TSPEAR: variants seen among roughly 807,000 people sequenced by gnomAD.
TSPEAR encodes the protein thrombospondin-type laminin G domain and EAR repeat-containing protein.
Under a neutral mutation model 71.6 loss-of-function variants are expected in TSPEAR, and 69 were observed. That is an observed-to-expected ratio of 0.96 (90% CI 0.79 to 1.18). TSPEAR has a LOEUF of 1.18. Among genes scored for constraint, TSPEAR ranks in the 50% most tolerant of loss-of-function variants. TSPEAR has a pLI of 0.00. For missense variants in TSPEAR, 971 were observed against 894.9 expected, an observed-to-expected ratio of 1.09 and a Z score of -1.09; for synonymous variants, 402 against 387.2, an observed-to-expected ratio of 1.04 and a Z score of -0.45.
intron 1 of TSPEAR, among the ~76,000 whole-genome samples, chr21:44,688,198 G>A (rs1555949185): frequency 1.4e-5 from 1 of 70,630 alleles, no homozygotes; most frequent in African/African-American, 6.5e-5. Context: ...AGGGAAGTGG[G>A]GTGCAGAGAA....
rs1984047907 is a variant in TSPEAR, at chr21:44,642,033, G to A, written c.82+69400C>T. Among the ~76,000 whole-genome samples, 1 of 152,116 alleles carries A rather than the reference G, an allele frequency of 6.6e-6. No homozygotes were observed. The highest frequency in any genetic ancestry group is 2.4e-5 in the African/African-American group (1 of 41,400). ...TAAAAATAAAGTCTAATAAAAATAAGCAGACATGAAAGATGGAAAAAGAAG... is the reference window on the plus strand; with the variant it reads ...TAAAAATAAAGTCTAATAAAAATAAACAGACATGAAAGATGGAAAAAGAAG... On this transcript the variant is annotated intron_variant, in intron 1 of 11. Coordinates refer to ENST00000323084, the MANE Select transcript of TSPEAR (RefSeq NM_144991.3). This position sits in a 1 kb window ranked among gnomAD's most constrained non-coding sequence, Gnocchi z 4.1.
intron 1 of TSPEAR, chr21:44,647,606 G>A (rs1163876591): frequency 3.5e-6 from 2 of 567,940 alleles, no homozygotes; most frequent in Non-Finnish European, 6.5e-6. Flanking sequence ...TACCCAATGT[G>A]ACAAAGAAGA....
intron 1 of TSPEAR, among the ~76,000 whole-genome samples, chr21:44,652,225 C>T (rs587749775): frequency 3.9e-4 from 60 of 152,292 alleles, no homozygotes; most frequent in African/African-American, 8.9e-4. Context: ...CCTCGTGATC[C>T]GCCCGCCTCG....
intron 1 of TSPEAR, among the ~76,000 whole-genome samples, chr21:44,639,888 G>A (rs1307796477): frequency 6.6e-6 from 1 of 152,218 alleles, no homozygotes; most frequent in Non-Finnish European, 1.5e-5. Flanking sequence ...CTGGTGGGGG[G>A]TCTCAGCTCT....
chr21:44,679,354 CT>C (rs1232543511), intron 1 of TSPEAR, among the ~76,000 whole-genome samples: 5 of 152,030 alleles, frequency 3.3e-5, no homozygotes, highest in African/African-American at 1.2e-4. Context: ...TGTGAAAGAC[CT>C]CTGCAAAGAA....
chr21:44,686,083 T>G (rs1202646695), intron 1 of TSPEAR, among the ~76,000 whole-genome samples: 2 of 151,952 alleles, frequency 1.3e-5, no homozygotes, highest in Admixed American at 1.3e-4. Flanking sequence ...GTGCAGTGAG[T>G]GTGACTGTGT....
intron 1 of TSPEAR, among the ~76,000 whole-genome samples, chr21:44,634,289 A>G (rs1448950542): frequency 6.6e-6 from 1 of 152,194 alleles, no homozygotes; most frequent in African/African-American, 2.4e-5. Flanking sequence ...ATATCTACAC[A>G]CAAAATCATA....
chr21:44,693,772 A>G (rs1171373558), intron 1 of TSPEAR, among the ~76,000 whole-genome samples: 1 of 152,182 alleles, frequency 6.6e-6, no homozygotes, highest in Admixed American at 6.5e-5. Context: ...TGGTTCCTTA[A>G]AAGTTAAACA....
At chr21:44,614,253 G>A (rs782553114) in intron 1 of TSPEAR, among the ~76,000 whole-genome samples, 3 of 152,264 alleles carry the variant, frequency 2.0e-5, no homozygotes, top group African/African-American at 4.8e-5. Context: ...CACGGTCTGA[G>A]CTGGGGATGG....
chr21:44,580,562 A>G lies in TSPEAR; in HGVS notation c.83-12557T>C, dbSNP rs200404801. ...AGAGCAAGCGCTGGAGCAGACGGAC[A>G]TGGTGCACGCGGCCATGCTGGGGTG... On this transcript the variant is annotated intron_variant, in intron 1 of 11. Transcript: ENST00000323084. 176 of 1,612,360 alleles carry G rather than the reference A, an allele frequency of 1.1e-4. No individual in the cohort carries two copies. In the African/African-American group the frequency reaches 2.2e-3, roughly 20 times the overall value.
chr21:44,525,229 G>A (rs1234581512), intron 8 of TSPEAR, among the ~76,000 whole-genome samples: 2 of 152,180 alleles, frequency 1.3e-5, no homozygotes, highest in Non-Finnish European at 2.9e-5. Context: ...CAATCAGTCA[G>A]TCAGGTAGTT....
At chr21:44,602,093 G>A in intron 1 of TSPEAR, 1 of 387,928 alleles carries the variant, frequency 2.6e-6, no homozygotes, top group Non-Finnish European at 4.9e-6. Flanking sequence ...CTCCCCTGCT[G>A]TGGGCCTGGG....
At chr21:44,621,436 G>A (rs1457235947) in intron 1 of TSPEAR, among the ~76,000 whole-genome samples, 3 of 152,052 alleles carry the variant, frequency 2.0e-5, no homozygotes, top group African/African-American at 7.3e-5. Flanking sequence ...TGTCCTGTGG[G>A]CCCAGCCCCC....
rs180782162 is a variant in TSPEAR at position 44,637,241 on chromosome 21, G to C, written c.83-69236C>G. The C allele has an allele frequency of 5.3e-4, 444 of 830,328 alleles. 2 individuals carry two copies. The highest frequency in any genetic ancestry group is 5.3e-3 in the Middle Eastern group (14 of 2,660). The allele number at this position is 830,328 out of a possible 1,614,324, so 51.4% of individuals were successfully genotyped here. A position where few individuals can be genotyped will look rare whatever the true frequency, so the allele number is the denominator to read the frequency against. On this transcript the variant is annotated intron_variant, in intron 1 of 11. Coordinates refer to ENST00000323084, the MANE Select transcript of TSPEAR (RefSeq NM_144991.3). The stretch of plus-strand genomic sequence containing the variant: ...TGGCAAAGGAAGCAGAAATAATGAG[G>C]GTCCTCCCGGCTCCAAACACCAACA...
At position 44,627,442 on chromosome 21, in the gene TSPEAR, A is replaced by T. The variant is rs781857324; in HGVS notation, c.83-59437T>A. 1.3e-5 allele frequency: 21 copies of T among 1,612,434 alleles called. No homozygotes were observed. The African/African-American group carries it at 2.7e-4, about 21-fold the overall frequency. The stretch of plus-strand genomic sequence containing the variant: ...GTCTAGCTGCCAGCCGGCTTACTGC[A>T]CCTCCTCCCCCTGCCAGCAGGCCTG... On this transcript the variant is annotated intron_variant, in intron 1 of 11. Coordinates refer to ENST00000323084, the MANE Select transcript of TSPEAR (RefSeq NM_144991.3).
intron 1 of TSPEAR, chr21:44,647,717 G>A: frequency 3.1e-6 from 1 of 322,748 alleles, no homozygotes; most frequent in Non-Finnish European, 6.1e-6. Flanking sequence ...TTGGGGTGTG[G>A]GACCCACTGT....
At chr21:44,563,713 A>G (rs1366530069) in intron 2 of TSPEAR, among the ~76,000 whole-genome samples, 1 of 152,208 alleles carries the variant, frequency 6.6e-6, no homozygotes, top group Non-Finnish European at 1.5e-5. Flanking sequence ...GTCATTGCAA[A>G]TACTGAATTA....
intron 1 of TSPEAR, among the ~76,000 whole-genome samples, chr21:44,576,914 C>T (rs1054278169): frequency 1.2e-4 from 18 of 152,152 alleles, no homozygotes; most frequent in Non-Finnish European, 2.4e-4. Flanking sequence ...TCAGTGTCCT[C>T]AGGAGGGATG....
chr21:44,575,300 TCAGAGCCG>T (rs1978360611), intron 1 of TSPEAR: 1 of 461,802 alleles, frequency 2.2e-6, no homozygotes, highest in Non-Finnish European at 4.1e-6. Flanking sequence ...TCCTCCTGGC[TCAGAGCCG>T]CAGAGCCTTC....
Sources: allele counts gnomAD v4.1 joint callset (sites outside exome capture counted in the v4.1 genomes callset), GRCh38; gene constraint gnomAD v4.1.1; non-coding constraint Gnocchi (gnomAD v3.1); transcripts MANE v1.5; gene names NCBI Gene and HGNC (gene_info 2026-07-23, HGNC 2026-07-21).